The following ANKRD28 variants were observed in gnomAD, a reference collection of about 807,000 sequenced individuals.
ANKRD28 encodes the protein serine/threonine-protein phosphatase 6 regulatory ankyrin repeat subunit A.
A neutral mutation model predicts 126.5 loss-of-function variants in ANKRD28; 44 were observed. The observed-to-expected ratio is 0.35, with a 90% CI of 0.27 to 0.45. ANKRD28 has a LOEUF of 0.45. ANKRD28 is among the 20% of genes least tolerant of loss of function. ANKRD28 has a pLI of 1.00. For synonymous variants in ANKRD28, 442 were observed against 468.5 expected (o/e 0.94, Z 0.73); for missense variants, 1,110 against 1,316.6 (o/e 0.84, Z 2.43).
At chr3:15,697,173 T>C (rs2069719576) in intron 14 of ANKRD28, 1 of 152,156 alleles carries the variant, frequency 6.6e-6, no homozygotes, top group Non-Finnish European at 1.5e-5. Flanking sequence ...TTATTCTAAG[T>C]GAAGCAATTC....
intron 2 of ANKRD28, among the ~76,000 whole-genome samples, chr3:15,785,367 C>G (rs1240131493): frequency 1.3e-5 from 2 of 151,992 alleles, no homozygotes; most frequent in Non-Finnish European, 2.9e-5. Flanking sequence ...CAAAACCTAA[C>G]CAGAAGAACA....
intron 23 of ANKRD28, among the ~76,000 whole-genome samples, chr3:15,678,802 G>A (rs1030227504): frequency 6.6e-6 from 1 of 151,900 alleles, no homozygotes; most frequent in African/African-American, 2.4e-5. Flanking sequence ...GTTTAAAGGA[G>A]GAAAACTTCC....
intron 4 of ANKRD28, 141 bp downstream of exon 4, chr3:15,751,609 C>CA (rs2057866835): frequency 3.1e-6 from 2 of 646,744 alleles, no homozygotes; most frequent in Non-Finnish European, 5.3e-6. Context: ...TTGGTTTGTA[C>CA]AAATTCTAAA....
At position 15,670,130 on chromosome 3, in the gene ANKRD28, A is replaced by C. The variant is rs2066201389; in HGVS notation, c.*140T>G. ...CTTGCCTTTAAAACTCTTCCTCCTAATGCCATCAGATCTCTTAACATTGGC... is the reference window on the plus strand; with the variant it reads ...CTTGCCTTTAAAACTCTTCCTCCTACTGCCATCAGATCTCTTAACATTGGC... On this transcript the variant is annotated 3_prime_UTR_variant, in exon 28 of 28. Coordinates refer to ENST00000683139, the MANE Select transcript of ANKRD28 (RefSeq NM_001349278.2). The C allele has an allele frequency of 1.1e-6, 1 of 929,556 alleles. No individual in the cohort carries two copies. The highest frequency in any genetic ancestry group is 2.7e-5 in the East Asian group (1 of 37,558). 57.6% of individuals were successfully genotyped at this position (929,556 alleles called of 1,614,324 possible).
At chr3:15,850,759 A>G (rs565809591) in intron 1 of ANKRD28, among the ~76,000 whole-genome samples, 1 of 152,322 alleles carries the variant, frequency 6.6e-6, no homozygotes, top group African/African-American at 2.4e-5. Flanking sequence ...TTTAGAATAA[A>G]TAAGTAAAAA....
At chr3:15,723,652 T>C (rs752816857) in intron 7 of ANKRD28, among the ~76,000 whole-genome samples, 5 of 152,102 alleles carry the variant, frequency 3.3e-5, no homozygotes, top group Non-Finnish European at 7.4e-5. Context: ...TAGCCTGTAG[T>C]TCTAGCTATT....
intron 2 of ANKRD28, among the ~76,000 whole-genome samples, chr3:15,791,963 A>C (rs2060049244): frequency 6.6e-6 from 1 of 152,212 alleles, no homozygotes; most frequent in Non-Finnish European, 1.5e-5. Flanking sequence ...CCTCAAAAGA[A>C]GACACACAAA....
At chr3:15,849,024 G>A (rs1190574007) in intron 1 of ANKRD28, among the ~76,000 whole-genome samples, 1 of 152,096 alleles carries the variant, frequency 6.6e-6, no homozygotes. Flanking sequence ...AAAATCACTT[G>A]TATTTCTATA....
At chr3:15,799,128 C>A (rs2060400845), upstream of ANKRD28, among the ~76,000 whole-genome samples, 1 of 152,002 alleles carries the variant, frequency 6.6e-6, no homozygotes, top group South Asian at 2.1e-4. Context: ...GACACACTCT[C>A]TTCTCTCCAC....
At position 15,795,591 on chromosome 3, in the gene ANKRD28, A is replaced by T. The variant is rs549514093; in HGVS notation, c.118-285T>A. On this transcript the variant is annotated intron_variant, in intron 1 of 27. Transcript: ENST00000683139. ...GTAAGTAGAAGCCTTTTGTTTCTGT[A>T]TATGACAAAAAGAAAGACTCTTCCA... Among the ~76,000 whole-genome samples the T allele has an allele frequency of 1.8e-4, 27 of 152,282 alleles. No homozygotes were observed. The South Asian group carries it at 5.6e-3, about 32-fold the overall frequency.
At chr3:15,678,541 A>G (rs534711888) in intron 23 of ANKRD28, among the ~76,000 whole-genome samples, 187 bp from the exon 24 acceptor site, 220 of 152,362 alleles carry the variant, frequency 1.4e-3, no homozygotes, top group Middle Eastern at 3.4e-3. Context: ...TGTACTTTCA[A>G]TAATACAGAA....
chr3:15,773,611 C>T (rs2059123213), intron 2 of ANKRD28, among the ~76,000 whole-genome samples: 1 of 151,276 alleles, frequency 6.6e-6, no homozygotes, highest in South Asian at 2.1e-4. Context: ...AGTAAGACTC[C>T]ATGTCAAAAA....
chr3:15,825,662 G>A (rs2061049250), intron 1 of ANKRD28, among the ~76,000 whole-genome samples: 1 of 152,048 alleles, frequency 6.6e-6, no homozygotes, highest in Non-Finnish European at 1.5e-5. Flanking sequence ...TAAAAGTTCT[G>A]AATGAGTGAC....
intron 12 of ANKRD28, among the ~76,000 whole-genome samples, chr3:15,710,314 C>T (rs1228739580): frequency 6.6e-6 from 1 of 152,114 alleles, no homozygotes; most frequent in Non-Finnish European, 1.5e-5. Context: ...ACTGTATAAA[C>T]CTCAACATCA....
At chr3:15,780,384 T>C (rs2125687458) in intron 2 of ANKRD28, among the ~76,000 whole-genome samples, 1 of 152,174 alleles carries the variant, frequency 6.6e-6, no homozygotes, top group East Asian at 1.9e-4. Context: ...ATCTGTATAC[T>C]AAAAACTATA....
chr3:15,775,773 G>A (rs1281826954), intron 2 of ANKRD28, among the ~76,000 whole-genome samples: 4 of 152,204 alleles, frequency 2.6e-5, no homozygotes, highest in Admixed American at 2.6e-4. Context: ...CCACCCTCCA[G>A]GAACTGCCAC....
At chr3:15,679,910 T>A (rs2067354577) in intron 21 of ANKRD28, among the ~76,000 whole-genome samples, 1 of 145,436 alleles carries the variant, frequency 6.9e-6, no homozygotes, top group South Asian at 2.1e-4. Context: ...ATACCAATTA[T>A]TTACATAACA....
intron 1 of ANKRD28, among the ~76,000 whole-genome samples, chr3:15,855,240 TGATCAA>T (rs1323567501): frequency 6.6e-6 from 1 of 152,202 alleles, no homozygotes; most frequent in Admixed American, 6.5e-5. Flanking sequence ...AGTGTGTACT[TGATCAA>T]ATAAGAACTT....
At chr3:15,732,643 C>A (rs574940824) in intron 6 of ANKRD28, 3 of 152,250 alleles carry the variant, frequency 2.0e-5, no homozygotes, top group Admixed American at 2.0e-4. Flanking sequence ...AGTTAACAAC[C>A]CTAGATCAAG....
Sources: allele counts gnomAD v4.1 joint callset (sites outside exome capture counted in the v4.1 genomes callset), GRCh38; gene constraint gnomAD v4.1.1; transcripts MANE v1.5; gene names NCBI Gene and HGNC (gene_info 2026-07-23, HGNC 2026-07-21).